DCLK1: variants seen among roughly 807,000 people sequenced by gnomAD.
The protein encoded by DCLK1 is doublecortin like kinase 1, also known as serine/threonine-protein kinase DCLK1.
In DCLK1, 16 loss-of-function variants were observed where a neutral mutation model predicts 86.2. That is an observed-to-expected ratio of 0.19 (90% CI 0.13 to 0.28). The LOEUF (loss-of-function observed/expected upper bound fraction) is 0.28, where lower values mean the gene tolerates loss of function less well. DCLK1 is among the 10% of genes least tolerant of loss of function. The pLI is 1.00. For synonymous variants in DCLK1, 369 were observed against 370.5 expected, an observed-to-expected ratio of 1.00 and a Z score of 0.05; for missense variants, 590 against 940.2, an observed-to-expected ratio of 0.63 and a Z score of 4.87.
At chr13:36,054,890 G>A (rs561352183) in intron 3 of DCLK1, among the ~76,000 whole-genome samples, 46 of 152,158 alleles carry the variant, frequency 3.0e-4, no homozygotes, top group Admixed American at 7.2e-4. Context: ...TTGTATATTT[G>A]CCACTACATA....
intron 3 of DCLK1, among the ~76,000 whole-genome samples, chr13:36,084,191 C>A (rs964731933): frequency 2.0e-5 from 3 of 152,056 alleles, no homozygotes; most frequent in African/African-American, 7.2e-5. Flanking sequence ...TGATTTTTCC[C>A]CGCCCTGGCA....
At chr13:35,847,435 C>A in intron 6 of DCLK1, 2 of 984,978 alleles carry the variant, frequency 2.0e-6, no homozygotes, top group Non-Finnish European at 2.4e-6. Context: ...CAGAAGCATA[C>A]CCACATACAC....
At chr13:35,909,364 C>G (rs1313418532) in intron 4 of DCLK1, among the ~76,000 whole-genome samples, 1 of 152,150 alleles carries the variant, frequency 6.6e-6, no homozygotes, top group Non-Finnish European at 1.5e-5. Flanking sequence ...GTGACACACG[C>G]AAACATTAAA....
chr13:35,865,238 C>T (rs1167040707), intron 5 of DCLK1, among the ~76,000 whole-genome samples: 1 of 151,814 alleles, frequency 6.6e-6, no homozygotes, highest in Admixed American at 6.6e-5. Context: ...AGAGTGAGAC[C>T]CTGTCTCAAA....
chr13:36,086,609 C>T (rs1323034559), intron 3 of DCLK1, among the ~76,000 whole-genome samples: 1 of 152,022 alleles, frequency 6.6e-6, no homozygotes, highest in African/African-American at 2.4e-5. Context: ...TGTCCTAATG[C>T]TCTCCCTCCC....
At chr13:35,927,514 T>A (rs1339640759) in intron 4 of DCLK1, among the ~76,000 whole-genome samples, 1 of 152,222 alleles carries the variant, frequency 6.6e-6, no homozygotes, top group Non-Finnish European at 1.5e-5. Context: ...TTCTCCTTAT[T>A]ATAAGTGTTC....
chr13:36,046,631 C>T (rs543791667), intron 3 of DCLK1, among the ~76,000 whole-genome samples: 12 of 152,324 alleles, frequency 7.9e-5, no homozygotes, highest in African/African-American at 2.6e-4. Context: ...ACAGATAAAT[C>T]CAAGACTCAG....
At chr13:35,777,618 T>C (rs997133897) in intron 16 of DCLK1, among the ~76,000 whole-genome samples, 2 of 152,282 alleles carry the variant, frequency 1.3e-5, no homozygotes, top group African/African-American at 2.4e-5. Flanking sequence ...GTAGAGCAGA[T>C]AGGATCCACC....
chr13:35,962,991 G>A (rs573689586), intron 3 of DCLK1, among the ~76,000 whole-genome samples: 7 of 152,204 alleles, frequency 4.6e-5, no homozygotes, highest in African/African-American at 1.7e-4. Context: ...AGCTTTTATA[G>A]GACACCTCCT....
intron 3 of DCLK1, among the ~76,000 whole-genome samples, chr13:36,050,213 T>A (rs942470217): frequency 6.6e-6 from 1 of 152,228 alleles, no homozygotes; most frequent in African/African-American, 2.4e-5. Context: ...TATTAATAGT[T>A]GATGTTTAAT....
intron 16 of DCLK1, among the ~76,000 whole-genome samples, chr13:35,785,520 A>C (rs2086605340): frequency 6.6e-6 from 1 of 152,148 alleles, no homozygotes; most frequent in Non-Finnish European, 1.5e-5. Flanking sequence ...CCTTGGAAGC[A>C]GCTCTCTGGT....
chr13:35,878,235 A>G (rs1037272096), intron 4 of DCLK1, among the ~76,000 whole-genome samples: 1 of 152,214 alleles, frequency 6.6e-6, no homozygotes, highest in Non-Finnish European at 1.5e-5. Context: ...CTTTCTATAG[A>G]AATGTTATGA....
intron 2 of DCLK1, among the ~76,000 whole-genome samples, chr13:36,116,490 A>G (rs973755903): frequency 6.6e-6 from 1 of 152,084 alleles, no homozygotes; most frequent in Non-Finnish European, 1.5e-5. Context: ...GTGTTCCTCC[A>G]CGAGACTCTA....
chr13:35,923,672 A>T (rs758092345), intron 4 of DCLK1, among the ~76,000 whole-genome samples: 46 of 151,822 alleles, frequency 3.0e-4, no homozygotes, highest in Non-Finnish European at 6.3e-4. Context: ...TCAGAATACC[A>T]CTCAGGGAAA....
chr13:35,996,617 T>C (rs924356499), intron 3 of DCLK1, among the ~76,000 whole-genome samples: 4 of 152,158 alleles, frequency 2.6e-5, no homozygotes, highest in African/African-American at 4.8e-5. Context: ...CAGCTCTTCC[T>C]GAGTCTCCAG....
chr13:36,078,858 T>C (rs1884312522), intron 3 of DCLK1, among the ~76,000 whole-genome samples: 1 of 152,174 alleles, frequency 6.6e-6, no homozygotes, highest in Non-Finnish European at 1.5e-5. Flanking sequence ...TTTTTGTGAA[T>C]TTTGCATTTT....
At chr13:35,799,241 G>A (rs1593601295) in intron 15 of DCLK1, among the ~76,000 whole-genome samples, 1 of 120,110 alleles carries the variant, frequency 8.3e-6, no homozygotes, top group East Asian at 2.4e-4. Flanking sequence ...TCAGGCTTGA[G>A]CCTCAGTTGT....
chr13:35,847,100 G>C, intron 6 of DCLK1: 2 of 978,392 alleles, frequency 2.0e-6, no homozygotes, highest in Middle Eastern at 5.3e-4. Flanking sequence ...AAAAATCATA[G>C]TATTCGATCT....
intron 11 of DCLK1, among the ~76,000 whole-genome samples, chr13:35,811,659 C>A (rs780241423): frequency 8.2e-4 from 124 of 151,964 alleles, no homozygotes; most frequent in Admixed American, 1.7e-3. Flanking sequence ...TATGGTGAAA[C>A]CCTGTCTCTA....
Sources: gnomAD v4.1 joint callset for allele counts (sites outside exome capture counted in the v4.1 genomes callset) on GRCh38, gnomAD v4.1.1 for gene constraint, MANE v1.5 for transcripts, NCBI Gene and HGNC (gene_info 2026-07-23, HGNC 2026-07-21) for gene names.